Variants in ZFHX3 observed in about 807,000 individuals in gnomAD.
ZFHX3 encodes the protein zinc finger homeobox protein 3.
A neutral mutation model predicts 279.1 loss-of-function variants in ZFHX3; 42 were observed. The observed-to-expected ratio is 0.15, with a 90% confidence interval of 0.12 to 0.19. The LOEUF (loss-of-function observed/expected upper bound fraction) is 0.19, where lower values mean the gene tolerates loss of function less well. ZFHX3 is among the 10% of genes least tolerant of loss of function. The probability of loss-of-function intolerance (pLI) is 1.00; values close to 1 mark genes in which losing one functional copy is unlikely to be tolerated. For synonymous variants in ZFHX3, 2,293 were observed against 1,957.8 expected, an observed-to-expected ratio of 1.17 and a Z score of -4.52; for missense variants, 4,981 against 4,754.0, an observed-to-expected ratio of 1.05 and a Z score of -1.40.
chr16:73,233,764 T>G (rs886509235), intron 5 of ZFHX3: 4 of 152,216 alleles, frequency 2.6e-5, no homozygotes, highest in African/African-American at 9.6e-5. Context: ...TAAATGGTTC[T>G]CTTTCACATG....
rs538411511 is a variant in ZFHX3, at chr16:73,306,468, C to T, written c.-1194+11772G>A. ...CCATGTACCTGGGATTACAGGTGCC[C>T]GCCACCACACTCAGCTGATTTTTGT... On this transcript the variant is annotated intron_variant, in intron 4 of 17. Transcript: ENST00000641206. Among the ~76,000 whole-genome samples the T allele has an allele frequency of 8.6e-5, 13 of 150,640 alleles. 1 individual carries two copies. In the South Asian group the frequency reaches 1.5e-3, roughly 18 times the overall value.
At chr16:73,329,576 C>T (rs1338895081) in intron 3 of ZFHX3, among the ~76,000 whole-genome samples, 1 of 152,242 alleles carries the variant, frequency 6.6e-6, no homozygotes, top group African/African-American at 2.4e-5. Flanking sequence ...CATGATACTG[C>T]TCCAGCATCT....
chr16:73,051,249 A>C (rs1248659352), upstream of ZFHX3, among the ~76,000 whole-genome samples: 3 of 152,266 alleles, frequency 2.0e-5, no homozygotes, highest in African/African-American at 4.8e-5. Flanking sequence ...TTAACAAAGA[A>C]AAATCCAGAA....
intron 2 of ZFHX3, among the ~76,000 whole-genome samples, chr16:73,515,100 G>T (rs2019496954): frequency 6.6e-6 from 1 of 152,166 alleles, no homozygotes; most frequent in Non-Finnish European, 1.5e-5. Context: ...TTAGAGTCTT[G>T]CACAGGCCAG....
rs1337540676 is a variant in ZFHX3 at position 72,950,843 on chromosome 16, C to A, written c.2842G>T (p.Ala948Ser). The change falls in exon 3 of 10, where the codon GCC becomes TCC. Residue 948 changes from alanine to serine, a missense_variant. This residue lies in a region of ZFHX3 where 1,751 missense variants were observed against 1,770.0 expected (regional missense o/e 0.99). Coordinates refer to ENST00000268489, the MANE Select transcript of ZFHX3 (RefSeq NM_006885.4). ...NDPSLKLFQC[A>S]VCNKFTTDNL... ...TCCGTCGTGAACTTGTTGCAGACGG[C>A]GCACTGGAAGAGCTTCAGCGACGGG... The A allele has an allele frequency of 1.2e-6, 2 of 1,614,112 alleles. No homozygotes were observed. Among genetic ancestry groups the A allele is most frequent in the African/African-American group, 2.7e-5 (2 of 75,052 alleles).
chr16:72,961,369 A>G (rs894255347), intron 1 of ZFHX3, among the ~76,000 whole-genome samples: 2 of 152,226 alleles, frequency 1.3e-5, no homozygotes, highest in Non-Finnish European at 2.9e-5. Context: ...GGAGGGAGGC[A>G]TCGGATCACG....
chr16:73,780,977 TGAA>T (rs1441352614), intron 1 of ZFHX3, among the ~76,000 whole-genome samples: 2 of 152,222 alleles, frequency 1.3e-5, no homozygotes, highest in African/African-American at 4.8e-5. Context: ...ATAACAATAA[TGAA>T]GAAGACTTGC....
chr16:73,881,453 ACTCTCTCT>A (rs368431262), intron 1 of ZFHX3, among the ~76,000 whole-genome samples: 3 of 39,052 alleles, frequency 7.7e-5, no homozygotes, highest in African/African-American at 9.1e-5. Context: ...ACACACACAC[ACTCTCTCT>A]CTCTCTCTCT....
At chr16:72,815,924 G>C (rs2036591634) in intron 5 of ZFHX3, among the ~76,000 whole-genome samples, 1 of 152,132 alleles carries the variant, frequency 6.6e-6, no homozygotes, top group Non-Finnish European at 1.5e-5. Flanking sequence ...AATAGGGCAT[G>C]GTATAAGTAA....
At chr16:73,889,426 G>A (rs1245147865) in intron 1 of ZFHX3, among the ~76,000 whole-genome samples, 1 of 152,146 alleles carries the variant, frequency 6.6e-6, no homozygotes, top group Non-Finnish European at 1.5e-5. Context: ...ATCTGGGAAG[G>A]GGAAGAGAAG....
intron 4 of ZFHX3, among the ~76,000 whole-genome samples, chr16:72,852,047 G>C (rs545526475): frequency 2.6e-5 from 4 of 152,240 alleles, no homozygotes; most frequent in African/African-American, 9.6e-5. Flanking sequence ...ATTAAAACCA[G>C]TCCTGTTTGG....
chr16:73,815,156 C>T (rs544729159), intron 1 of ZFHX3, among the ~76,000 whole-genome samples: 1 of 152,282 alleles, frequency 6.6e-6, no homozygotes, highest in South Asian at 2.1e-4. Context: ...GAGAACGATG[C>T]CAATTATAAT....
At chr16:73,846,562 C>T (rs1961453522) in intron 1 of ZFHX3, among the ~76,000 whole-genome samples, 1 of 152,162 alleles carries the variant, frequency 6.6e-6, no homozygotes, top group East Asian at 1.9e-4. Flanking sequence ...TATAAACACG[C>T]TAATGAATGA....
At chr16:72,805,766 G>C (rs757542153) in intron 7 of ZFHX3, among the ~76,000 whole-genome samples, 1 of 152,184 alleles carries the variant, frequency 6.6e-6, no homozygotes, top group Non-Finnish European at 1.5e-5. Flanking sequence ...CCTCTTGCCA[G>C]TAGAGTTTCA....
chr16:73,113,385 G>A (rs74929521), intron 7 of ZFHX3, among the ~76,000 whole-genome samples: 1,885 of 152,176 alleles, frequency 0.012, 39 homozygotes, highest in African/African-American at 0.043. Context: ...GCCTGAGGAA[G>A]TACAAAAATT....
chr16:73,325,910 C>T (rs1371719319), intron 3 of ZFHX3, among the ~76,000 whole-genome samples: 1 of 109,710 alleles, frequency 9.1e-6, no homozygotes, highest in East Asian at 2.4e-4. Flanking sequence ...CAAACACACA[C>T]ACACACACAC....
At chr16:73,394,360 G>A (rs139976363) in intron 3 of ZFHX3, among the ~76,000 whole-genome samples, 11,346 of 151,588 alleles carry the variant, frequency 0.075, 931 homozygotes, top group South Asian at 0.2. Context: ...GCAGTGGTGC[G>A]ATCTTGGCCC....
At chr16:73,735,802 C>T (rs1441325025) in intron 1 of ZFHX3, among the ~76,000 whole-genome samples, 2 of 152,150 alleles carry the variant, frequency 1.3e-5, no homozygotes, top group African/African-American at 4.8e-5. Context: ...TTCCCATCAT[C>T]CCCTTCTCTG....
Position 72,794,552 on chromosome 16 carries a change from G to T in ZFHX3, c.8130C>A (p.His2710Gln). The T allele has an allele frequency of 6.2e-7, 1 of 1,614,226 alleles. No individual in the cohort carries two copies. The highest frequency in any genetic ancestry group is 8.5e-7 in the Non-Finnish European group (1 of 1,180,052). ...QFRAVGPAQAHRRCPFCRALF... is the reference protein window; with the variant it reads ...QFRAVGPAQAQRRCPFCRALF... ...GCGCTCTGCAAAAAGGGCATCTCCT[G>T]TGGGCCTGCGCTGGGCCTACAGCCC... The change falls in exon 9 of 10, where the codon CAC (histidine) becomes CAA (glutamine). Residue 2710 changes from histidine (H) to glutamine (Q), a missense_variant. Transcript: ENST00000268489. This position sits in a 1 kb window ranked among gnomAD's most constrained non-coding sequence, Gnocchi z 4.2.
Sources: allele counts gnomAD v4.1 joint callset (sites outside exome capture counted in the v4.1 genomes callset), GRCh38; gene constraint gnomAD v4.1.1; regional missense constraint gnomAD v4.1.1; non-coding constraint Gnocchi (gnomAD v3.1); transcripts MANE v1.5; gene names NCBI Gene and HGNC (gene_info 2026-07-23, HGNC 2026-07-21).